Variants in PGPEP1L observed in about 807,000 individuals in gnomAD.
PGPEP1L encodes the protein pyroglutamyl-peptidase 1-like protein.
Under a neutral mutation model 6.0 loss-of-function variants are expected in PGPEP1L, and 7 were observed. The observed-to-expected ratio is 1.17, with a 90% CI of 0.66 to 2.19. The LOEUF is 2.19. Among genes scored for constraint, PGPEP1L ranks in the 30% most tolerant of loss-of-function variants. The probability of loss-of-function intolerance (pLI) is 0.00; values close to 1 mark genes in which losing one functional copy is unlikely to be tolerated. For synonymous variants in PGPEP1L, 103 were observed against 83.9 expected, an observed-to-expected ratio of 1.23 and a Z score of -1.24; for missense variants, 209 against 192.5, an observed-to-expected ratio of 1.09 and a Z score of -0.51.
At chr15:98,983,205 G>A (rs1024173166) in intron 2 of PGPEP1L, among the ~76,000 whole-genome samples, 1 of 151,118 alleles carries the variant, frequency 6.6e-6, no homozygotes, top group Non-Finnish European at 1.5e-5. Flanking sequence ...CTTTCACTTG[G>A]AAAGGTTTGC....
intron 2 of PGPEP1L, among the ~76,000 whole-genome samples, chr15:98,983,210 G>T (rs1380847796): frequency 2.6e-5 from 4 of 151,424 alleles, no homozygotes; most frequent in Non-Finnish European, 5.9e-5. Flanking sequence ...ACTTGGAAAG[G>T]TTTGCAGTTA....
intron 2 of PGPEP1L, among the ~76,000 whole-genome samples, chr15:99,002,896 G>A (rs1367986164): frequency 1.3e-5 from 2 of 152,206 alleles, no homozygotes; most frequent in Admixed American, 6.5e-5. Flanking sequence ...GGAAAGGGCT[G>A]TGACTAAATG....
At chr15:98,978,617 G>A (rs1329473913) in intron 2 of PGPEP1L, among the ~76,000 whole-genome samples, 6 of 151,284 alleles carry the variant, frequency 4.0e-5, no homozygotes, top group African/African-American at 1.5e-4. Context: ...CTGAATCCTG[G>A]ACCAAATTAG....
intron 2 of PGPEP1L, among the ~76,000 whole-genome samples, chr15:99,001,708 G>GT (rs532174644): frequency 2.1e-5 from 3 of 140,076 alleles, no homozygotes; most frequent in Middle Eastern, 3.7e-3. Flanking sequence ...ATATATTTGT[G>GT]TTTTTTATTT....
intron 2 of PGPEP1L, among the ~76,000 whole-genome samples, chr15:99,000,042 C>T (rs1194562800): frequency 2.0e-5 from 3 of 152,334 alleles, no homozygotes; most frequent in South Asian, 2.1e-4. Flanking sequence ...TGCAGGGAGG[C>T]GTGGAGGGAG....
At chr15:98,981,737 G>A (rs1017879024) in intron 2 of PGPEP1L, among the ~76,000 whole-genome samples, 1 of 152,120 alleles carries the variant, frequency 6.6e-6, no homozygotes. Context: ...CCATACTAAC[G>A]TACAAGGTTA....
intron 2 of PGPEP1L, among the ~76,000 whole-genome samples, chr15:98,981,933 T>G (rs548408628): frequency 3.9e-4 from 59 of 152,192 alleles, no homozygotes; most frequent in African/African-American, 1.4e-3. Context: ...ATGTAGGAAG[T>G]AGGGGGACCC....
At chr15:98,992,198 C>T (rs1173568674) in intron 2 of PGPEP1L, among the ~76,000 whole-genome samples, 4 of 152,150 alleles carry the variant, frequency 2.6e-5, no homozygotes, top group African/African-American at 9.7e-5. Flanking sequence ...ATTTAGAAAA[C>T]CCCATCGTCT....
In PGPEP1L at chr15:98,969,483, C is replaced by A; in HGVS notation, c.151G>T (p.Val51Phe). Residue 51 changes from valine (V) to phenylalanine (F), a missense_variant, in exon 4 of 5, where the codon GTC becomes TTC. Transcript: ENST00000535714. ...CCCTCCACAGCTACGCGCTTGCAGA[C>A]TGCCTTCATGCAGACCCCTGACTCC... ...VLESGVCMKA[V>F]CKRVAVEGVD... 6.2e-7 allele frequency: 1 copy of A among 1,614,092 alleles called. No homozygotes were observed. Among genetic ancestry groups the A allele is most frequent in the Non-Finnish European group, 8.5e-7 (1 of 1,179,916 alleles).
chr15:98,993,265 A>G (rs2017842322), intron 2 of PGPEP1L, among the ~76,000 whole-genome samples: 2 of 152,198 alleles, frequency 1.3e-5, no homozygotes, highest in Non-Finnish European at 2.9e-5. Flanking sequence ...AGAAAAAAAC[A>G]ACCCCATCAA....
intron 2 of PGPEP1L, among the ~76,000 whole-genome samples, chr15:98,991,361 A>G (rs1176209618): frequency 6.6e-6 from 1 of 152,216 alleles, no homozygotes; most frequent in African/African-American, 2.4e-5. Context: ...AATATAGAAG[A>G]AATGGATAAA....
rs530651480 is a variant in PGPEP1L, at chr15:98,987,964, C to T, written c.-141-16806G>A. On this transcript the variant is annotated intron_variant, in intron 2 of 4. Transcript: ENST00000535714. Reference sequence around the variant, plus strand: ...ACAGTGCACTCCAGCCCAGATACTGCGCTTTTCCTATGGTCTTTGCAACTG... The same window carrying T: ...ACAGTGCACTCCAGCCCAGATACTGTGCTTTTCCTATGGTCTTTGCAACTG... Among the ~76,000 whole-genome samples the T allele has an allele frequency of 1.4e-4, 22 of 152,308 alleles. No homozygotes were observed. In the East Asian group the frequency reaches 1.7e-3, roughly 12 times the overall value.
intron 2 of PGPEP1L, among the ~76,000 whole-genome samples, chr15:99,001,556 T>TA (rs1366072144): frequency 6.6e-6 from 1 of 152,216 alleles, no homozygotes; most frequent in Admixed American, 6.5e-5. Context: ...GTAAATGGTA[T>TA]AGCATGTGGA....
Position 98,969,637 on chromosome 15 carries a change from C to T in PGPEP1L, c.-4G>A, listed in dbSNP as rs779681175. On this transcript the variant is annotated 5_prime_UTR_variant, in exon 4 of 5. The change creates a premature stop within an existing upstream ORF in the 5' untranslated region. Coordinates refer to ENST00000535714, the MANE Select transcript of PGPEP1L (RefSeq NM_001167902.2). Reference sequence around the variant, plus strand: ...TCGCCTTGGCGGCGGTGTCCATGCCCACATGCACGACGAGCTGTGTGAACG... The same window carrying T: ...TCGCCTTGGCGGCGGTGTCCATGCCTACATGCACGACGAGCTGTGTGAACG... The T allele has an allele frequency of 8.1e-6, 13 of 1,611,772 alleles. No individual in the cohort carries two copies. In the East Asian group the frequency reaches 1.8e-4, roughly 22 times the overall value.
At chr15:98,971,416 C>T (rs1471866354) in intron 2 of PGPEP1L, among the ~76,000 whole-genome samples, 1 of 152,072 alleles carries the variant, frequency 6.6e-6, no homozygotes, top group Non-Finnish European at 1.5e-5. Flanking sequence ...ATCACTTGAA[C>T]CTGGGAGGTG....
At chr15:98,974,852 GCAC>G (rs1434127891) in intron 2 of PGPEP1L, among the ~76,000 whole-genome samples, 3 of 152,024 alleles carry the variant, frequency 2.0e-5, no homozygotes, top group Non-Finnish European at 2.9e-5. Context: ...AGCCAAAATC[GCAC>G]CACTTCATTC....
chr15:98,969,474 G>C lies in PGPEP1L; in HGVS notation c.160C>G (p.Arg54Gly), dbSNP rs775478114. The C allele has an allele frequency of 1.9e-6, 3 of 1,613,910 alleles. No individual in the cohort carries two copies. The highest frequency in any genetic ancestry group is 1.7e-6 in the Non-Finnish European group (2 of 1,179,918). The change falls in exon 4 of 5, where the codon CGC becomes GGC. Residue 54 changes from arginine to glycine, a missense_variant. Physicochemically the swap from Arg to Gly is moderately radical, Grantham distance 125. Coordinates refer to ENST00000535714, the MANE Select transcript of PGPEP1L (RefSeq NM_001167902.2). ...ACGTCGACACCCTCCACAGCTACGC[G>C]CTTGCAGACTGCCTTCATGCAGACC... ...SGVCMKAVCK[R>G]VAVEGVDVIF... is the part of the protein sequence containing the mutation.
At chr15:98,996,382 C>T (rs543900773) in intron 2 of PGPEP1L, among the ~76,000 whole-genome samples, 1 of 152,316 alleles carries the variant, frequency 6.6e-6, no homozygotes, top group East Asian at 1.9e-4. Context: ...ATCTCCACCC[C>T]CCTTGCTGCT....
At chr15:98,986,199 T>C (rs1201910473) in intron 2 of PGPEP1L, among the ~76,000 whole-genome samples, 3 of 152,170 alleles carry the variant, frequency 2.0e-5, no homozygotes, top group Admixed American at 1.3e-4. Context: ...ATTTTGTAAG[T>C]GATAGAAGTG....
Sources: allele counts gnomAD v4.1 joint callset (sites outside exome capture counted in the v4.1 genomes callset), GRCh38; gene constraint gnomAD v4.1.1; transcripts MANE v1.5; gene names NCBI Gene and HGNC (gene_info 2026-07-23, HGNC 2026-07-21).